FBXW7: variants seen among roughly 807,000 people sequenced by gnomAD.
FBXW7 encodes F-box and WD repeat domain containing 7.
A neutral mutation model predicts 86.3 loss-of-function variants in FBXW7; 11 were observed. That is an observed-to-expected ratio of 0.13 (90% CI 0.08 to 0.21). FBXW7 has a LOEUF of 0.21. FBXW7 is among the 10% of genes least tolerant of loss of function. FBXW7 has a pLI of 1.00. For missense variants in FBXW7, 488 were observed against 847.4 expected, an observed-to-expected ratio of 0.58 and a Z score of 5.27; for synonymous variants, 313 against 297.9, an observed-to-expected ratio of 1.05 and a Z score of -0.52.
intron 2 of FBXW7, among the ~76,000 whole-genome samples, chr4:152,437,738 T>C (rs1164952901): frequency 6.6e-6 from 1 of 152,192 alleles, no homozygotes; most frequent in Non-Finnish European, 1.5e-5. Context: ...TTCATTGTTA[T>C]TTTAAGAAAC....
chr4:152,335,256 T>C (rs886734163), intron 7 of FBXW7, among the ~76,000 whole-genome samples: 6 of 152,206 alleles, frequency 3.9e-5, no homozygotes, highest in African/African-American at 1.4e-4. Context: ...TCCTCATGAA[T>C]GGAATTAGTA....
intron 2 of FBXW7, among the ~76,000 whole-genome samples, chr4:152,459,255 A>C (rs543724906): frequency 1.3e-5 from 2 of 152,308 alleles, no homozygotes; most frequent in Admixed American, 6.5e-5. Flanking sequence ...CATCATTATC[A>C]TCATATTTTC....
chr4:152,435,659 A>AT (rs1164460201), intron 2 of FBXW7, among the ~76,000 whole-genome samples: 3 of 152,066 alleles, frequency 2.0e-5, no homozygotes, highest in African/African-American at 4.8e-5. Flanking sequence ...TGAGTAGACG[A>AT]TTTTTTTTCT....
intron 4 of FBXW7, among the ~76,000 whole-genome samples, chr4:152,394,026 G>C (rs1308511720): frequency 5.3e-5 from 8 of 152,008 alleles, no homozygotes; most frequent in African/African-American, 1.9e-4. Flanking sequence ...CTTATTACAA[G>C]GAATGAAGTT....
chr4:152,425,612 A>G (rs1436423247), intron 2 of FBXW7, among the ~76,000 whole-genome samples: 1 of 152,108 alleles, frequency 6.6e-6, no homozygotes, highest in East Asian at 1.9e-4. Context: ...AGAGTAGGTT[A>G]GACAGATAAA....
intron 2 of FBXW7, among the ~76,000 whole-genome samples, chr4:152,514,853 G>C (rs553615199): frequency 6.6e-6 from 1 of 152,172 alleles, no homozygotes; most frequent in South Asian, 2.1e-4. Context: ...CCCAGCCTCG[G>C]GTATTTACAG....
chr4:152,497,349 A>T (rs1314965495), intron 2 of FBXW7, among the ~76,000 whole-genome samples: 1 of 143,254 alleles, frequency 7.0e-6, no homozygotes, highest in Non-Finnish European at 1.5e-5. Context: ...AAAACCACAC[A>T]CACACACACA....
At chr4:152,352,733 A>G (rs1415644594) in intron 4 of FBXW7, 1 of 1,613,136 alleles carries the variant, frequency 6.2e-7, no homozygotes, top group Admixed American at 1.7e-5. Flanking sequence ...ACACACATAC[A>G]TACATGCAGC....
chr4:152,534,135 G>A (rs1750255153), intron 2 of FBXW7, among the ~76,000 whole-genome samples: 1 of 151,720 alleles, frequency 6.6e-6, no homozygotes, highest in African/African-American at 2.4e-5. Flanking sequence ...TAAAATAATG[G>A]AAGGAAAAAA....
rs547143353 is a variant in FBXW7 at position 152,482,316 on chromosome 4, A to G, written c.-120+52625T>C. Among the ~76,000 whole-genome samples, 7 of 152,350 alleles carry G rather than the reference A, an allele frequency of 4.6e-5. No individual in the cohort carries two copies. The East Asian group carries it at 1.3e-3, about 29-fold the overall frequency. ...TATTACACACTTAACAGACTACAAT[A>G]TTGTATAAACATAACTTATATGCAC... On this transcript the variant is annotated intron_variant, in intron 2 of 13. Transcript: ENST00000281708.
At position 152,329,798 on chromosome 4, in the gene FBXW7, T is replaced by C. The variant is rs1242822694; in HGVS notation, c.1123-13A>G. 2.1e-6 allele frequency: 3 copies of C among 1,425,682 alleles called. No individual in the cohort carries two copies. Among genetic ancestry groups the C allele is most frequent in the Middle Eastern group, 1.8e-4 (1 of 5,566 alleles). The allele number at this position is 1,425,682 out of a possible 1,614,324, so 88.3% of individuals were successfully genotyped here. A position where few individuals can be genotyped will look rare whatever the true frequency, so the allele number is the denominator to read the frequency against. ...GTCCTTTCAGCACCTATAAGAAAGA[T>C]GTGCAGATTAGAAATATGTTAATTA... is the stretch of plus-strand genomic sequence containing the variant. On this transcript the variant is annotated splice_polypyrimidine_tract_variant and intron_variant, in intron 9 of 13. Coordinates refer to ENST00000281708, the MANE Select transcript of FBXW7 (RefSeq NM_001349798.2).
intron 4 of FBXW7, among the ~76,000 whole-genome samples, chr4:152,385,731 A>T (rs1735471128): frequency 6.6e-6 from 1 of 152,058 alleles, no homozygotes; most frequent in South Asian, 2.1e-4. Flanking sequence ...AGGGGGTAAC[A>T]TTCTAATTCA....
chr4:152,481,147 C>T (rs1744840303), intron 2 of FBXW7, among the ~76,000 whole-genome samples: 1 of 152,150 alleles, frequency 6.6e-6, no homozygotes, highest in South Asian at 2.1e-4. Context: ...TGGTGACTTC[C>T]AAGTGGAACA....
At chr4:152,413,555 CA>C (rs1239077186) in intron 2 of FBXW7, among the ~76,000 whole-genome samples, 4 of 152,090 alleles carry the variant, frequency 2.6e-5, no homozygotes, top group Non-Finnish European at 5.9e-5. Flanking sequence ...ATTTAACACC[CA>C]ACTGAGTCTC....
At chr4:152,510,814 A>C (rs1202541952) in intron 2 of FBXW7, among the ~76,000 whole-genome samples, 1 of 152,190 alleles carries the variant, frequency 6.6e-6, no homozygotes, top group East Asian at 1.9e-4. Context: ...TTCATTTTTA[A>C]ATTATTTTTT....
chr4:152,371,501 T>C lies in FBXW7; in HGVS notation c.502-21377A>G, dbSNP rs191502866. ...TAACAGTATTTGAAAACCGGCAGAT[T>C]ATACATTTCAATAAGGCCACTAACT... On this transcript the variant is annotated intron_variant, in intron 4 of 13. Coordinates refer to ENST00000281708, the MANE Select transcript of FBXW7 (RefSeq NM_001349798.2). Among the ~76,000 whole-genome samples, 3 of 152,168 alleles carry C rather than the reference T, an allele frequency of 2.0e-5. No individual in the cohort carries two copies. In the East Asian group the frequency reaches 5.8e-4, roughly 29 times the overall value.
chr4:152,516,986 C>T (rs556730026), intron 2 of FBXW7, among the ~76,000 whole-genome samples: 35 of 152,262 alleles, frequency 2.3e-4, no homozygotes, highest in Middle Eastern at 3.4e-3. Context: ...CCACTACACC[C>T]AGCTAATTTT....
intron 7 of FBXW7, among the ~76,000 whole-genome samples, chr4:152,335,152 A>G (rs151223478): frequency 1.5e-4 from 23 of 152,318 alleles, no homozygotes; most frequent in African/African-American, 5.1e-4. Context: ...CTGAATGTCC[A>G]TATTCCCTCA....
intron 4 of FBXW7, among the ~76,000 whole-genome samples, chr4:152,367,522 C>A (rs1220535681): frequency 6.6e-6 from 1 of 151,994 alleles, no homozygotes; most frequent in African/African-American, 2.4e-5. Flanking sequence ...CTAAAATACT[C>A]TAATAAAAAT....
Sources: gnomAD v4.1 joint callset for allele counts (sites outside exome capture counted in the v4.1 genomes callset) on GRCh38, gnomAD v4.1.1 for gene constraint, MANE v1.5 for transcripts, NCBI Gene and HGNC (gene_info 2026-07-23, HGNC 2026-07-21) for gene names.